Variants in GALNTL6 observed in about 807,000 individuals in gnomAD.
GALNTL6 encodes the protein polypeptide N-acetylgalactosaminyltransferase like 6.
A neutral mutation model predicts 73.7 loss-of-function variants in GALNTL6; 46 were observed. The observed-to-expected ratio is 0.62, with a 90% confidence interval of 0.49 to 0.80. The LOEUF (loss-of-function observed/expected upper bound fraction) is 0.80, where lower values mean the gene tolerates loss of function less well. GALNTL6 is among the 30% of genes least tolerant of loss of function. The pLI, the probability that GALNTL6 is intolerant of heterozygous loss-of-function variation, is 0.00. For synonymous variants in GALNTL6, 259 were observed against 263.7 expected (o/e 0.98, Z 0.17); for missense variants, 604 against 755.0 (o/e 0.80, Z 2.34).
At chr4:172,298,026 A>C (rs1252186867) in intron 3 of GALNTL6, among the ~76,000 whole-genome samples, 2 of 151,960 alleles carry the variant, frequency 1.3e-5, no homozygotes, top group Non-Finnish European at 2.9e-5. Flanking sequence ...CTTTTATTTC[A>C]TTGAGCAGTG....
chr4:171,984,615 T>A (rs2111085201), intron 2 of GALNTL6, among the ~76,000 whole-genome samples: 1 of 152,258 alleles, frequency 6.6e-6, no homozygotes, highest in African/African-American at 2.4e-5. Flanking sequence ...TTAAATCAAC[T>A]TACTTTGTAG....
intron 11 of GALNTL6, among the ~76,000 whole-genome samples, chr4:173,018,835 C>A (rs11132976): frequency 0.39 from 59,471 of 152,034 alleles, 12,501 homozygotes; most frequent in African/African-American, 0.53. Flanking sequence ...GATTGTGGAG[C>A]GTTCCTAAGA....
chr4:172,658,618 G>A (rs1242893086), intron 5 of GALNTL6, among the ~76,000 whole-genome samples: 3 of 152,114 alleles, frequency 2.0e-5, no homozygotes, highest in South Asian at 2.1e-4. Context: ...AAGAATCCCC[G>A]ATGATATTAG....
Position 172,054,695 on chromosome 4 carries a change from A to G in GALNTL6, c.139-174961A>G, listed in dbSNP as rs866165132. Among the ~76,000 whole-genome samples the G allele has an allele frequency of 1.8e-4, 27 of 152,316 alleles. No homozygotes were observed. The South Asian group carries it at 2.3e-3, about 13-fold the overall frequency. On this transcript the variant is annotated intron_variant, in intron 2 of 12. Coordinates refer to ENST00000506823, the MANE Select transcript of GALNTL6 (RefSeq NM_001034845.3). ...ATAACATTGAGGGTTACGTTTCAAC[A>G]TAAGAATTTTGAGGGAACATAAACA...
Position 172,518,037 on chromosome 4 carries a change from C to T in GALNTL6, c.553+169348C>T, listed in dbSNP as rs186654067. ...ATTTTCCAAAACAGTCTCAATGTCA[C>T]ATATTCTGCCCCAGTATGCTCACAA... On this transcript the variant is annotated intron_variant, in intron 5 of 12. Transcript: ENST00000506823. Among the ~76,000 whole-genome samples, 273 of 152,000 alleles carry T rather than the reference C, an allele frequency of 1.8e-3. 2 individuals are homozygous for T. The highest frequency in any genetic ancestry group is 6.1e-3 in the African/African-American group (255 of 41,524).
At chr4:171,951,447 A>G (rs1203515674) in intron 2 of GALNTL6, among the ~76,000 whole-genome samples, 2 of 152,058 alleles carry the variant, frequency 1.3e-5, no homozygotes, top group African/African-American at 4.8e-5. Context: ...TAATGAATGC[A>G]ACAAAAATGG....
intron 12 of GALNTL6, among the ~76,000 whole-genome samples, chr4:173,033,020 AG>A (rs1753535845): frequency 6.6e-6 from 1 of 151,650 alleles, no homozygotes; most frequent in Non-Finnish European, 1.5e-5. Flanking sequence ...TTTTTTTTTG[AG>A]ACGGAGTCTC....
At chr4:171,936,358 T>G (rs1738345313) in intron 2 of GALNTL6, among the ~76,000 whole-genome samples, 1 of 152,170 alleles carries the variant, frequency 6.6e-6, no homozygotes, top group African/African-American at 2.4e-5. Context: ...GAAGCTATTT[T>G]TTTTTCTTCT....
chr4:172,564,898 TG>T (rs1736502504), intron 5 of GALNTL6, among the ~76,000 whole-genome samples: 1 of 152,210 alleles, frequency 6.6e-6, no homozygotes, highest in Non-Finnish European at 1.5e-5. Flanking sequence ...CAAAGGCAAT[TG>T]CATTAACTAA....
chr4:172,716,647 TTC>T (rs1735119353), intron 5 of GALNTL6, among the ~76,000 whole-genome samples: 2 of 152,202 alleles, frequency 1.3e-5, no homozygotes, highest in African/African-American at 4.8e-5. Flanking sequence ...ACGCTTAACC[TTC>T]TGTTCTGTAC....
chr4:172,278,525 G>A (rs1000800285), intron 3 of GALNTL6, among the ~76,000 whole-genome samples: 3 of 151,970 alleles, frequency 2.0e-5, no homozygotes, highest in African/African-American at 7.3e-5. Context: ...ATCATCCTGG[G>A]CTTCCCTTTC....
intron 10 of GALNTL6, among the ~76,000 whole-genome samples, chr4:172,991,078 T>C (rs1163375640): frequency 1.3e-5 from 2 of 152,172 alleles, no homozygotes; most frequent in South Asian, 4.1e-4. Flanking sequence ...TTTAAAACAC[T>C]TGGTATCATA....
chr4:172,193,307 C>T (rs546586113), intron 2 of GALNTL6, among the ~76,000 whole-genome samples: 2 of 152,254 alleles, frequency 1.3e-5, no homozygotes, highest in Non-Finnish European at 2.9e-5. Flanking sequence ...GATGGAGCTC[C>T]CAGAAGAAGT....
intron 5 of GALNTL6, among the ~76,000 whole-genome samples, chr4:172,384,482 A>T: frequency 6.6e-6 from 1 of 151,916 alleles, no homozygotes; most frequent in Non-Finnish European, 1.5e-5. Context: ...TTTGTAATTT[A>T]CATTTTCTCT....
At chr4:172,196,620 C>T (rs1021241145) in intron 2 of GALNTL6, among the ~76,000 whole-genome samples, 15 of 151,942 alleles carry the variant, frequency 9.9e-5, no homozygotes, top group Admixed American at 3.3e-4. Flanking sequence ...GCTTCATCCT[C>T]AATGCAAGGC....
At chr4:171,999,246 C>T (rs144672440) in intron 2 of GALNTL6, among the ~76,000 whole-genome samples, 23 of 152,206 alleles carry the variant, frequency 1.5e-4, no homozygotes, top group African/African-American at 4.8e-4. Context: ...GAGAGGTGGA[C>T]TAGATTTGAG....
At chr4:172,586,882 C>G (rs907846253) in intron 5 of GALNTL6, among the ~76,000 whole-genome samples, 3 of 152,156 alleles carry the variant, frequency 2.0e-5, no homozygotes, top group African/African-American at 7.2e-5. Flanking sequence ...AAAAACGTCT[C>G]CTGATTCCTT....
intron 5 of GALNTL6, among the ~76,000 whole-genome samples, chr4:172,614,178 C>T (rs1738632285): frequency 6.6e-6 from 1 of 151,998 alleles, no homozygotes; most frequent in Non-Finnish European, 1.5e-5. Context: ...ATCTCTATCC[C>T]TCTCTCTCAA....
intron 10 of GALNTL6, among the ~76,000 whole-genome samples, chr4:173,008,484 G>C (rs909509108): frequency 3.3e-5 from 5 of 152,150 alleles, no homozygotes; most frequent in African/African-American, 9.7e-5. Flanking sequence ...ACCATAATAG[G>C]CCTGTTGCCT....
Sources: gnomAD v4.1 joint callset for allele counts (sites outside exome capture counted in the v4.1 genomes callset) on GRCh38, gnomAD v4.1.1 for gene constraint, MANE v1.5 for transcripts, NCBI Gene and HGNC (gene_info 2026-07-23, HGNC 2026-07-21) for gene names.